Variants in EIF3J observed in about 807,000 individuals in gnomAD.
The protein encoded by EIF3J is eukaryotic translation initiation factor 3, subunit 1 (alpha, 35kD).
A neutral mutation model predicts 39.0 loss-of-function variants in EIF3J; 15 were observed. The observed-to-expected ratio is 0.38, with a 90% confidence interval of 0.26 to 0.59. The LOEUF is 0.59. EIF3J is among the 20% of genes least tolerant of loss of function. The pLI, the probability that EIF3J is intolerant of heterozygous loss-of-function variation, is 0.60. For missense variants in EIF3J, 226 were observed against 308.6 expected, an observed-to-expected ratio of 0.73 and a Z score of 2.00; for synonymous variants, 98 against 112.9, an observed-to-expected ratio of 0.87 and a Z score of 0.84.
intron 5 of EIF3J, among the ~76,000 whole-genome samples, chr15:44,557,277 A>G (rs1329959555): frequency 6.6e-6 from 1 of 152,116 alleles, no homozygotes; most frequent in Non-Finnish European, 1.5e-5. Flanking sequence ...ATTAGAGGTT[A>G]ATAAAGATGT....
intron 2 of EIF3J, among the ~76,000 whole-genome samples, chr15:44,550,498 CCGATAGGTTTTTATA>C (rs2082090076): frequency 6.6e-6 from 1 of 150,690 alleles, no homozygotes; most frequent in African/African-American, 2.4e-5. Context: ...CTGGGTCTTG[CCGATAGGTTTTTATA>C]CACAAATAAT....
chr15:44,537,553 G>A, intron 2 of EIF3J, 126 bp downstream of exon 2: 1 of 986,590 alleles, frequency 1.0e-6, no homozygotes, highest in Non-Finnish European at 1.4e-6. Flanking sequence ...AGGGCCTGGC[G>A]GTGCTCTCTT....
At chr15:44,538,192 C>T (rs952165987) in intron 2 of EIF3J, among the ~76,000 whole-genome samples, 6 of 151,770 alleles carry the variant, frequency 4.0e-5, no homozygotes. Context: ...GTTGTTTTGT[C>T]TGTGCCTTGT....
At chr15:44,548,998 T>C (rs2082076194) in intron 2 of EIF3J, among the ~76,000 whole-genome samples, 1 of 151,400 alleles carries the variant, frequency 6.6e-6, no homozygotes, top group Non-Finnish European at 1.5e-5. Flanking sequence ...ATGTTGCATA[T>C]CATAACACAA....
intron 3 of EIF3J, 139 bp downstream of exon 3, chr15:44,551,069 A>G: frequency 7.3e-7 from 1 of 1,371,520 alleles, no homozygotes; most frequent in Non-Finnish European, 9.6e-7. Context: ...TTCCCACTTT[A>G]TTCTGTTTTC....
rs908173608 is a variant in EIF3J, at chr15:44,552,394, G to A, written c.294+872G>A. On this transcript the variant is annotated intron_variant, in intron 4 of 7. Transcript: ENST00000261868. ...TCCCAGGTTGGAATTACAGGCACAC[G>A]CAACCATGCCTGGCTAATCTTTGTA... Among the ~76,000 whole-genome samples, 3 of 151,802 alleles carry A rather than the reference G, an allele frequency of 2.0e-5. No individual in the cohort carries two copies. In the South Asian group the frequency reaches 6.3e-4, roughly 32 times the overall value.
At chr15:44,560,497 CAT>C (rs998863853) in intron 7 of EIF3J, 175 bp downstream of exon 7, 1 of 553,896 alleles carries the variant, frequency 1.8e-6, no homozygotes, top group African/African-American at 1.9e-5. Flanking sequence ...TGTTTCCAGA[CAT>C]GTTCCCCTTT....
intron 4 of EIF3J, among the ~76,000 whole-genome samples, chr15:44,552,029 G>C (rs2082103065): frequency 6.6e-6 from 1 of 151,948 alleles, no homozygotes; most frequent in South Asian, 2.1e-4. Context: ...CACCATGTTG[G>C]CCAGGATGGT....
At position 44,561,326 on chromosome 15, in the gene EIF3J, C is replaced by CT. The variant is rs1005886147; in HGVS notation, c.*179dup. 4.8e-6 allele frequency: 3 copies of CT among 627,426 alleles called. No individual in the cohort carries two copies. The highest frequency in any genetic ancestry group is 6.6e-5 in the Admixed American group (2 of 30,458). 38.9% of individuals were successfully genotyped at this position (627,426 alleles called of 1,614,324 possible). ...AATGTGCAAATGAGGGAACTTGGAT[C>CT]TTGCTGCCAAGGGGTTAAAATTGGG... is the stretch of plus-strand genomic sequence containing the variant. On this transcript the variant is annotated 3_prime_UTR_variant, in exon 8 of 8. Coordinates refer to ENST00000261868, the MANE Select transcript of EIF3J (RefSeq NM_003758.4).
rs757012807 is a variant in EIF3J at position 44,554,930 on chromosome 15, A to G, written c.409+263A>G. ...GGAGTAGACTCAGATGAAGTACACT[A>G]CTGCATAGAATATTTTTATCAGCTG... On this transcript the variant is annotated intron_variant, in intron 5 of 7. Transcript: ENST00000261868. Among the ~76,000 whole-genome samples, 5 of 152,244 alleles carry G rather than the reference A, an allele frequency of 3.3e-5. No homozygotes were observed. In the South Asian group the frequency reaches 8.3e-4, roughly 25 times the overall value.
chr15:44,541,191 A>G (rs1015608187), intron 2 of EIF3J, among the ~76,000 whole-genome samples: 1 of 152,206 alleles, frequency 6.6e-6, no homozygotes, highest in African/African-American at 2.4e-5. Context: ...CTTGGCATAT[A>G]TGACTCCTTC....
intron 2 of EIF3J, among the ~76,000 whole-genome samples, chr15:44,538,304 T>A (rs2081978098): frequency 6.6e-6 from 1 of 151,792 alleles, no homozygotes; most frequent in Non-Finnish European, 1.5e-5. Flanking sequence ...TTTTTTTTTT[T>A]ACAGTAGTTA....
intron 3 of EIF3J, 95 bp downstream of exon 3, chr15:44,551,025 A>G: frequency 6.7e-7 from 1 of 1,486,754 alleles, no homozygotes; most frequent in Non-Finnish European, 9.0e-7. Context: ...ACAAAATGGA[A>G]CATTTTGGTA....
Position 44,554,564 on chromosome 15 carries a change from C to G in EIF3J, c.306C>G (p.Pro102=), listed in dbSNP as rs34342327. ...TTGTCTCATTTTAGTTAGAAGAACCCGAAGAACCTAAAGTGCTAACACCAG... is the reference window on the plus strand; with the variant it reads ...TTGTCTCATTTTAGTTAGAAGAACCGGAAGAACCTAAAGTGCTAACACCAG... ...QEEIKKRLEE[P]EEPKVLTPEE... is the part of the protein sequence containing the mutation. Residue 102 remains proline (P), a synonymous_variant, in exon 5 of 8, where the codon CCC becomes CCG. Transcript: ENST00000261868. The G allele has an allele frequency of 1.6e-5, 26 of 1,607,040 alleles. No individual in the cohort carries two copies. The highest frequency in any genetic ancestry group is 2.0e-5 in the Non-Finnish European group (24 of 1,177,488).
intron 2 of EIF3J, among the ~76,000 whole-genome samples, chr15:44,540,818 T>A (rs1247316792): frequency 6.6e-6 from 1 of 152,222 alleles, no homozygotes; most frequent in African/African-American, 2.4e-5. Flanking sequence ...TTCCGTGAGG[T>A]CTTCTGTTCA....
intron 2 of EIF3J, among the ~76,000 whole-genome samples, chr15:44,545,476 G>A (rs1021022031): frequency 1.3e-5 from 2 of 152,160 alleles, no homozygotes; most frequent in African/African-American, 4.8e-5. Flanking sequence ...CGTGAACTTT[G>A]TAAGCAAGTG....
At chr15:44,560,169 T>G in intron 6 of EIF3J, 80 bp from the exon 7 acceptor site, 2 of 1,097,514 alleles carry the variant, frequency 1.8e-6, no homozygotes, top group Non-Finnish European at 2.6e-6. Context: ...TATAGATATA[T>G]ATGGAATGTA....
chr15:44,540,258 TATATATATA>T lies in EIF3J; in HGVS notation c.147+2832_147+2840del, dbSNP rs1437658685. On this transcript the variant is annotated intron_variant, in intron 2 of 7. Transcript: ENST00000261868. ...GGCTATATATATATATATATATATA[TATATATATA>T]TTTTTTTTTTTTTTTTGTAGATACA... 3.4e-3 allele frequency among the ~76,000 whole-genome samples: 187 copies of T among 55,408 alleles called. 1 individual carries two copies. Among genetic ancestry groups the T allele is most frequent in the African/African-American group, 9.5e-3 (172 of 18,040 alleles). The allele number at this position is 55,408 out of a possible 152,430, so 36.3% of individuals were successfully genotyped here. A position where few individuals can be genotyped will look rare whatever the true frequency, so the allele number is the denominator to read the frequency against.
chr15:44,557,663 A>G lies in EIF3J; in HGVS notation c.571+13A>G. 2 of 1,443,560 alleles carry G rather than the reference A, an allele frequency of 1.4e-6. No homozygotes were observed. Among genetic ancestry groups the G allele is most frequent in the Non-Finnish European group, 1.8e-6 (2 of 1,093,296 alleles). The allele number at this position is 1,443,560 out of a possible 1,614,324, so 89.4% of individuals were successfully genotyped here. A position where few individuals can be genotyped will look rare whatever the true frequency, so the allele number is the denominator to read the frequency against. On this transcript the variant is annotated intron_variant, in intron 6 of 7. Transcript: ENST00000261868. Reference sequence around the variant, plus strand: ...GTGTGTATTTCATGTAAGTAATTCTAATTTCTAGCCCCTCTGGGTAGATTT... The same window carrying G: ...GTGTGTATTTCATGTAAGTAATTCTGATTTCTAGCCCCTCTGGGTAGATTT...
Sources: allele counts gnomAD v4.1 joint callset (sites outside exome capture counted in the v4.1 genomes callset), GRCh38; gene constraint gnomAD v4.1.1; transcripts MANE v1.5; gene names NCBI Gene and HGNC (gene_info 2026-07-23, HGNC 2026-07-21).